Variants in LAMA4 observed in about 807,000 individuals in gnomAD.
The protein encoded by LAMA4 is laminin subunit alpha 4.
A neutral mutation model predicts 207.1 loss-of-function variants in LAMA4; 127 were observed. The ratio of observed to expected loss-of-function variants is 0.61; its 90% CI spans 0.53 to 0.71. The LOEUF is 0.71. LAMA4 is among the 30% of genes least tolerant of loss of function. LAMA4 has a pLI of 0.00. For missense variants in LAMA4, 2,093 were observed against 2,246.5 expected, an observed-to-expected ratio of 0.93 and a Z score of 1.38; for synonymous variants, 761 against 816.0, an observed-to-expected ratio of 0.93 and a Z score of 1.15.
rs1019211212 is a variant in LAMA4 at position 112,187,434 on chromosome 6, G to A, written c.966+16C>T. 6.2e-7 allele frequency: 1 copy of A among 1,613,810 alleles called. No homozygotes were observed. The highest frequency in any genetic ancestry group is 8.5e-7 in the Non-Finnish European group (1 of 1,179,736). ...CAGGATGAAAACAGAGTGGAAAGTAGAACATTCCTGCGTACTTTGAGGAGG... is the reference window on the plus strand; with the variant it reads ...CAGGATGAAAACAGAGTGGAAAGTAAAACATTCCTGCGTACTTTGAGGAGG... On this transcript the variant is annotated intron_variant, in intron 8 of 38. Transcript: ENST00000230538.
At chr6:112,205,155 T>C (rs1184500621) in intron 4 of LAMA4, among the ~76,000 whole-genome samples, 2 of 152,198 alleles carry the variant, frequency 1.3e-5, no homozygotes, top group African/African-American at 4.8e-5. Context: ...TACGTAAATA[T>C]TACATCGAAA....
In LAMA4 at chr6:112,109,450, C is replaced by T. The variant is rs782075302; in HGVS notation, c.5459G>A (p.Cys1820Tyr). The T allele has an allele frequency of 6.2e-7, 1 of 1,613,906 alleles. No homozygotes were observed. The highest frequency in any genetic ancestry group is 1.1e-5 in the South Asian group (1 of 91,076). ...LVSGAVSINSCPAA is the reference protein window; with the variant it reads ...LVSGAVSINSYPAA ...TGCTCTGTCATGTCAGGCTGCTGGA[C>T]AGGAGTTGATGCTTACGGCGCCGCT... The change falls in exon 39 of 39, where the codon TGT (cysteine) becomes TAT (tyrosine). Residue 1820 changes from cysteine (C) to tyrosine (Y), a missense_variant. Physicochemically the swap from Cys to Tyr is radical, Grantham distance 194 (BLOSUM62 -2). Around this residue, in one of 3 missense-constraint regions of LAMA4, gnomAD observed 383 missense variants for 437.8 expected, o/e 0.87. Transcript: ENST00000230538.
At chr6:112,136,457 C>T (rs912150918) in intron 24 of LAMA4, among the ~76,000 whole-genome samples, 1 of 151,984 alleles carries the variant, frequency 6.6e-6, no homozygotes, top group South Asian at 2.1e-4. Flanking sequence ...TCTGGGAGGC[C>T]GAGGCAGGTG....
At chr6:112,235,428 C>T (rs983034834) in intron 2 of LAMA4, among the ~76,000 whole-genome samples, 1 of 152,122 alleles carries the variant, frequency 6.6e-6, no homozygotes, top group African/African-American at 2.4e-5. Flanking sequence ...TGTTATAAAT[C>T]AGGTTGACAA....
intron 14 of LAMA4, chr6:112,157,896 T>C (rs539546857): frequency 2.6e-5 from 4 of 152,362 alleles, no homozygotes; most frequent in Admixed American, 6.5e-5. Context: ...ACCTCTCTCT[T>C]TCTTTTCTTC....
intron 2 of LAMA4, among the ~76,000 whole-genome samples, chr6:112,224,747 C>T (rs751789147): frequency 2.9e-5 from 4 of 136,466 alleles, no homozygotes; most frequent in Non-Finnish European, 4.6e-5. Flanking sequence ...ATCCGGGAGG[C>T]GGAGGTTGCA....
chr6:112,140,677 C>G (rs929211562), intron 22 of LAMA4, 83 bp downstream of exon 22: 23 of 1,320,614 alleles, frequency 1.7e-5, no homozygotes, highest in Non-Finnish European at 2.4e-5. Context: ...TATCAGCAAC[C>G]CCCAAGTCAT....
chr6:112,253,349 A>T (rs1293401147), intron 2 of LAMA4: 7 of 239,460 alleles, frequency 2.9e-5, no homozygotes, highest in Non-Finnish European at 5.8e-5. Flanking sequence ...TAAACATATT[A>T]TCAATAGCAT....
chr6:112,166,311 A>G (rs1221672130), intron 12 of LAMA4: 2 of 152,208 alleles, frequency 1.3e-5, no homozygotes, highest in African/African-American at 4.8e-5. Context: ...CATCCTCTTA[A>G]TGCAAGAACA....
rs1554325265 is a variant in LAMA4, at chr6:112,119,283, C to T, written c.4694G>A (p.Gly1565Asp). 1.2e-6 allele frequency: 2 copies of T among 1,613,968 alleles called. No individual in the cohort carries two copies. The highest frequency in any genetic ancestry group is 1.7e-5 in the Admixed American group (1 of 60,020). Residue 1565 changes from glycine (G) to aspartate (D), a missense_variant, in exon 34 of 39, where the codon GGC (glycine) becomes GAC (aspartate). Physicochemically the swap from Gly to Asp is moderately conservative, Grantham distance 94. Around this residue, in one of 3 missense-constraint regions of LAMA4, gnomAD observed 383 missense variants for 437.8 expected, o/e 0.87. Transcript: ENST00000230538. Reference sequence around the variant, plus strand: ...TCGGAGACCATCAATTACCAGTCGGCCACTGCTCCTTTCTCGAATAAATAT... The same window carrying T: ...TCGGAGACCATCAATTACCAGTCGGTCACTGCTCCTTTCTCGAATAAATAT... ...DVIFIRERSS[G>D]RLVIDGLRVL...
chr6:112,147,423 A>G (rs1780095137), intron 18 of LAMA4, among the ~76,000 whole-genome samples: 1 of 152,220 alleles, frequency 6.6e-6, no homozygotes. Flanking sequence ...TAATTCAGAT[A>G]CAAGTGAAGG....
At chr6:112,139,546 C>T (rs1554332499) in intron 23 of LAMA4, among the ~76,000 whole-genome samples, 1 of 152,186 alleles carries the variant, frequency 6.6e-6, no homozygotes, top group African/African-American at 2.4e-5. Context: ...ATCAAGGCTG[C>T]AAACAAGTTG....
chr6:112,109,223 C>T lies in LAMA4; in HGVS notation c.*214G>A. On this transcript the variant is annotated 3_prime_UTR_variant, in exon 39 of 39. Coordinates refer to ENST00000230538, the MANE Select transcript of LAMA4 (RefSeq NM_001105206.3). ...TCTCAATACAAGTAAGTTTGCCACT[C>T]CTTCAATTGTTGTCCATTGCAGACA... 1 of 594,058 alleles carries T rather than the reference C, an allele frequency of 1.7e-6. No individual in the cohort carries two copies. The highest frequency in any genetic ancestry group is 3.0e-6 in the Non-Finnish European group (1 of 335,964). The allele number at this position is 594,058 out of a possible 1,614,324, so 36.8% of individuals were successfully genotyped here.
chr6:112,186,297 C>T (rs1554346632), intron 8 of LAMA4, among the ~76,000 whole-genome samples: 1 of 152,236 alleles, frequency 6.6e-6, no homozygotes, highest in African/African-American at 2.4e-5. Flanking sequence ...TACGGTCACA[C>T]AGCTAGTGGG....
At chr6:112,218,980 T>C (rs1784784069) in intron 2 of LAMA4, 1 of 152,228 alleles carries the variant, frequency 6.6e-6, no homozygotes, top group Non-Finnish European at 1.5e-5. Context: ...TCTGGTGTTG[T>C]GGAACTTTGG....
intron 29 of LAMA4, 72 bp from the exon 30 acceptor site, chr6:112,130,112 A>G: frequency 7.5e-7 from 1 of 1,339,752 alleles, no homozygotes; most frequent in Non-Finnish European, 1.1e-6. Context: ...AGGTTGGATA[A>G]GCAGGTTTTC....
At position 112,117,716 on chromosome 6, in the gene LAMA4, A is replaced by G; in HGVS notation, c.4981+23T>C. On this transcript the variant is annotated intron_variant, in intron 35 of 38. Transcript: ENST00000230538. This position sits in a 1 kb window ranked among gnomAD's most constrained non-coding sequence, Gnocchi z 4.5. ...CAGGAAGAAGCATTTCATGACTCAT[A>G]TTTTTAACATGACTAATGTTACCTA... 2 of 1,607,918 alleles carry G rather than the reference A, an allele frequency of 1.2e-6. No homozygotes were observed. Among genetic ancestry groups the G allele is most frequent in the African/African-American group, 1.3e-5 (1 of 74,856 alleles).
At chr6:112,150,764 G>C in intron 16 of LAMA4, 137 bp from the exon 17 acceptor site, 1 of 726,210 alleles carries the variant, frequency 1.4e-6, no homozygotes. Context: ...TCTGAACATA[G>C]ATCAACAATT....
chr6:112,249,625 G>A (rs1224194432), intron 2 of LAMA4, among the ~76,000 whole-genome samples: 5 of 151,918 alleles, frequency 3.3e-5, no homozygotes, highest in East Asian at 1.9e-4. Flanking sequence ...TCTGTGCCTC[G>A]GTTTCTATGT....
Sources: gnomAD v4.1 joint callset for allele counts (sites outside exome capture counted in the v4.1 genomes callset) on GRCh38, gnomAD v4.1.1 for gene constraint, gnomAD v4.1.1 regional missense constraint, Gnocchi (gnomAD v3.1) non-coding constraint, MANE v1.5 for transcripts, NCBI Gene and HGNC (gene_info 2026-07-23, HGNC 2026-07-21) for gene names.